The following FAM78B variants were observed in gnomAD, a reference collection of about 807,000 sequenced individuals.
FAM78B encodes the protein family with sequence similarity 78 member B.
FAM78B carries 10 observed loss-of-function variants against 20.0 expected under a neutral mutation model. The observed-to-expected ratio is 0.50, with a 90% CI of 0.31 to 0.85. The LOEUF (loss-of-function observed/expected upper bound fraction) is 0.85, where lower values mean the gene tolerates loss of function less well. FAM78B is among the 40% of genes least tolerant of loss of function. FAM78B has a pLI of 0.05. For missense variants in FAM78B, 283 were observed against 345.0 expected, an observed-to-expected ratio of 0.82 and a Z score of 1.42; for synonymous variants, 135 against 132.8, an observed-to-expected ratio of 1.02 and a Z score of -0.12.
At chr1:166,069,111 TA>T (rs1651912309), downstream of FAM78B, among the ~76,000 whole-genome samples, 1 of 152,200 alleles carries the variant, frequency 6.6e-6, no homozygotes, top group Non-Finnish European at 1.5e-5. Flanking sequence ...AGAGCTAAAA[TA>T]AATATATATA....
At chr1:166,104,670 G>A (rs1210884466) in intron 1 of FAM78B, among the ~76,000 whole-genome samples, 3 of 152,114 alleles carry the variant, frequency 2.0e-5, no homozygotes, top group Admixed American at 2.0e-4. Flanking sequence ...CCTCTTCAAG[G>A]AGCACTACAA....
intron 1 of FAM78B, among the ~76,000 whole-genome samples, chr1:166,138,019 A>G (rs2101786013): frequency 6.6e-6 from 1 of 152,242 alleles, no homozygotes; most frequent in Admixed American, 6.5e-5. Flanking sequence ...GCCCTCTTAG[A>G]TCTCTCTAGC....
At chr1:166,057,310 G>T (rs1651388625), downstream of FAM78B, 1 of 152,182 alleles carries the variant, frequency 6.6e-6, no homozygotes, top group Non-Finnish European at 1.5e-5. Flanking sequence ...AGCTGGGCAG[G>T]ATTCCTGCAT....
chr1:166,153,447 C>T (rs1288985366), intron 1 of FAM78B, among the ~76,000 whole-genome samples: 3 of 152,156 alleles, frequency 2.0e-5, no homozygotes, highest in Non-Finnish European at 4.4e-5. Context: ...AGGAACCTGG[C>T]AACAAATACT....
intron 1 of FAM78B, among the ~76,000 whole-genome samples, chr1:166,075,882 T>TATTC (rs1652250157): frequency 6.6e-6 from 1 of 152,242 alleles, no homozygotes; most frequent in African/African-American, 2.4e-5. Context: ...CAAATCCATA[T>TATTC]ATTCACCTGC....
At chr1:166,126,030 C>T (rs1654630046) in intron 1 of FAM78B, among the ~76,000 whole-genome samples, 1 of 152,066 alleles carries the variant, frequency 6.6e-6, no homozygotes, top group Non-Finnish European at 1.5e-5. Context: ...CAGGGTTTCA[C>T]CATGTTGGTT....
chr1:166,081,944 C>T (rs916037881), intron 1 of FAM78B, among the ~76,000 whole-genome samples: 1 of 152,150 alleles, frequency 6.6e-6, no homozygotes, highest in South Asian at 2.1e-4. Context: ...TATGCCTCTA[C>T]AATATGGCCA....
Position 166,126,697 on chromosome 1 carries a change from G to A in FAM78B, c.263+39289C>T, listed in dbSNP as rs532957821. Reference sequence around the variant, plus strand: ...AATGAGGGGCCACATCATATGGGGTGTAATATACACAATAATACATGATAA... The same window carrying A: ...AATGAGGGGCCACATCATATGGGGTATAATATACACAATAATACATGATAA... On this transcript the variant is annotated intron_variant, in intron 1 of 1. Coordinates refer to ENST00000354422, the MANE Select transcript of FAM78B (RefSeq NM_001017961.5). 1.3e-3 allele frequency among the ~76,000 whole-genome samples: 201 copies of A among 152,208 alleles called. 1 individual carries two copies. Among genetic ancestry groups the A allele is most frequent in the African/African-American group, 4.5e-3 (186 of 41,530 alleles).
chr1:166,100,651 G>A (rs1571161431), intron 1 of FAM78B, among the ~76,000 whole-genome samples: 1 of 152,248 alleles, frequency 6.6e-6, no homozygotes, highest in Non-Finnish European at 1.5e-5. Context: ...GGGGAGGGGC[G>A]CCTGCCATTG....
At chr1:166,144,885 A>G (rs1219426222) in intron 1 of FAM78B, among the ~76,000 whole-genome samples, 1 of 152,098 alleles carries the variant, frequency 6.6e-6, no homozygotes. Context: ...ATCTTTCCAT[A>G]AAAAGGCAAC....
At chr1:166,109,886 A>ATATATG (rs1553219467) in intron 1 of FAM78B, among the ~76,000 whole-genome samples, 2 of 18,540 alleles carry the variant, frequency 1.1e-4, no homozygotes, top group Non-Finnish European at 2.0e-4. Context: ...ATATATGTAT[A>ATATATG]TATGTATATA....
intron 1 of FAM78B, among the ~76,000 whole-genome samples, chr1:166,092,588 C>T (rs1653120287): frequency 1.3e-5 from 2 of 152,212 alleles, no homozygotes; most frequent in Non-Finnish European, 2.9e-5. Context: ...AGGTTGCAGA[C>T]TCTGATTCCC....
At chr1:166,129,727 T>G (rs1205193852) in intron 1 of FAM78B, among the ~76,000 whole-genome samples, 2 of 152,096 alleles carry the variant, frequency 1.3e-5, no homozygotes, top group East Asian at 3.9e-4. Context: ...TGCTGCTTCT[T>G]CTCCTGCACT....
chr1:166,103,096 G>A (rs1236947395), intron 1 of FAM78B, among the ~76,000 whole-genome samples: 2 of 152,226 alleles, frequency 1.3e-5, no homozygotes, highest in Non-Finnish European at 2.9e-5. Flanking sequence ...ACCTGCTCCT[G>A]AATGACTATT....
chr1:166,103,758 G>A (rs1167620612), intron 1 of FAM78B, among the ~76,000 whole-genome samples: 4 of 152,126 alleles, frequency 2.6e-5, no homozygotes, highest in South Asian at 2.1e-4. Flanking sequence ...ATTCACAGCC[G>A]AATTCCACCA....
At chr1:166,150,598 T>A (rs1316667944) in intron 1 of FAM78B, among the ~76,000 whole-genome samples, 1 of 152,064 alleles carries the variant, frequency 6.6e-6, no homozygotes, top group East Asian at 1.9e-4. Flanking sequence ...CAAAGTAAAA[T>A]GTGAAAAAAC....
intron 1 of FAM78B, among the ~76,000 whole-genome samples, chr1:166,138,474 C>T (rs192022404): frequency 7.2e-5 from 11 of 152,134 alleles, no homozygotes; most frequent in Non-Finnish European, 1.5e-4. Flanking sequence ...ACTGCATCTA[C>T]CTTATCTCTC....
chr1:166,075,754 CTTTTCT>C (rs1652245222), intron 1 of FAM78B, among the ~76,000 whole-genome samples: 2 of 152,216 alleles, frequency 1.3e-5, no homozygotes, highest in Admixed American at 6.5e-5. Context: ...GTCTTCTTCT[CTTTTCT>C]ATCTATTTGC....
At chr1:166,094,530 G>A (rs1460956466) in intron 1 of FAM78B, among the ~76,000 whole-genome samples, 1 of 152,242 alleles carries the variant, frequency 6.6e-6, no homozygotes, top group Non-Finnish European at 1.5e-5. Context: ...TGATGAGTCT[G>A]TAAATTTGTG....
Sources: gnomAD v4.1 joint callset for allele counts (sites outside exome capture counted in the v4.1 genomes callset) on GRCh38, gnomAD v4.1.1 for gene constraint, MANE v1.5 for transcripts, NCBI Gene and HGNC (gene_info 2026-07-23, HGNC 2026-07-21) for gene names.